GLIS3: variants seen among roughly 807,000 people sequenced by gnomAD.
GLIS3 encodes the protein zinc finger protein GLIS3.
Under a neutral mutation model 78.6 loss-of-function variants are expected in GLIS3, and 53 were observed. The ratio of observed to expected loss-of-function variants is 0.67; its 90% CI spans 0.54 to 0.85. The LOEUF is 0.85. GLIS3 is among the 40% of genes least tolerant of loss of function. GLIS3 has a pLI of 0.00. For missense variants in GLIS3, 1,703 were observed against 1,231.1 expected, an observed-to-expected ratio of 1.38 and a Z score of -5.74; for synonymous variants, 684 against 509.9, an observed-to-expected ratio of 1.34 and a Z score of -4.60.
chr9:4,104,862 C>G (rs928186638), intron 4 of GLIS3, among the ~76,000 whole-genome samples: 3 of 152,204 alleles, frequency 2.0e-5, no homozygotes, highest in African/African-American at 7.2e-5. Flanking sequence ...CTGTTCCCTG[C>G]TGGATCCCCA....
At chr9:4,349,715 AAGAC>A, upstream of GLIS3, among the ~76,000 whole-genome samples, 1 of 146,650 alleles carries the variant, frequency 6.8e-6, no homozygotes, top group Non-Finnish European at 1.5e-5. Context: ...TGATGAATAA[AAGAC>A]AGAAAAAAAA....
At chr9:4,383,323 A>G in the GLIS3 span, among the ~76,000 whole-genome samples, 3 of 152,350 alleles carry the variant, frequency 2.0e-5, no homozygotes, top group Admixed American at 6.5e-5. Context: ...TTCATTTTCC[A>G]TAACATTTGG....
intron 2 of GLIS3, among the ~76,000 whole-genome samples, chr9:4,127,806 A>T (rs1202589782): frequency 6.6e-6 from 1 of 152,212 alleles, no homozygotes; most frequent in Non-Finnish European, 1.5e-5. Context: ...TATTTATCTA[A>T]GGAACTCAGT....
chr9:4,074,205 G>T (rs1827865181), intron 4 of GLIS3, among the ~76,000 whole-genome samples: 1 of 152,140 alleles, frequency 6.6e-6, no homozygotes, highest in Admixed American at 6.5e-5. Context: ...GGGTCTCTAG[G>T]GGAGCAGGGT....
chr9:4,096,311 T>G (rs1160054020), intron 4 of GLIS3, among the ~76,000 whole-genome samples: 8 of 152,198 alleles, frequency 5.3e-5, no homozygotes, highest in Admixed American at 1.3e-4. Flanking sequence ...CCAGTTGTGT[T>G]ATAAGGACAT....
At chr9:4,084,030 C>T (rs1271641636) in intron 4 of GLIS3, among the ~76,000 whole-genome samples, 1 of 152,164 alleles carries the variant, frequency 6.6e-6, no homozygotes, top group Non-Finnish European at 1.5e-5. Context: ...CTGCTCAAGG[C>T]TCTGTTACCA....
At chr9:4,129,336 T>A (rs978440140) in intron 2 of GLIS3, among the ~76,000 whole-genome samples, 1 of 152,218 alleles carries the variant, frequency 6.6e-6, no homozygotes, top group African/African-American at 2.4e-5. Context: ...GGGATAAAGT[T>A]AACCCTCCCT....
the GLIS3 span, among the ~76,000 whole-genome samples, chr9:4,409,053 A>C: frequency 6.6e-6 from 1 of 152,166 alleles, no homozygotes; most frequent in African/African-American, 2.4e-5. Flanking sequence ...AAATTGGAAA[A>C]GAAAAAAACA....
chr9:3,898,391 G>A (rs1195884343), intron 7 of GLIS3: 2 of 417,194 alleles, frequency 4.8e-6, no homozygotes, highest in Admixed American at 3.5e-5. Context: ...TTTCCTTCGA[G>A]TCTAAATCAA....
At chr9:4,339,700 G>A (rs1370040207) in intron 2 of GLIS3, among the ~76,000 whole-genome samples, 1 of 138,382 alleles carries the variant, frequency 7.2e-6, no homozygotes, top group African/African-American at 2.8e-5. Context: ...TTCAAAGCCA[G>A]ATAACAATGC....
At chr9:4,422,647 A>T in the GLIS3 span, among the ~76,000 whole-genome samples, 2 of 152,350 alleles carry the variant, frequency 1.3e-5, no homozygotes, top group South Asian at 4.1e-4. Context: ...TACCGGGGGA[A>T]GTCAGAGCAA....
At chr9:4,015,758 G>A (rs960452000) in intron 4 of GLIS3, among the ~76,000 whole-genome samples, 5 of 151,796 alleles carry the variant, frequency 3.3e-5, no homozygotes, top group South Asian at 2.1e-4. Flanking sequence ...GAGTGGTGGC[G>A]GGCGCCTGTA....
the GLIS3 span, among the ~76,000 whole-genome samples, chr9:4,408,571 A>AC: frequency 5.4e-4 from 82 of 151,522 alleles, no homozygotes; most frequent in Non-Finnish European, 9.0e-4. Context: ...TACTAAAAAT[A>AC]GAAAAATTAG....
the GLIS3 span, among the ~76,000 whole-genome samples, chr9:4,401,719 G>C: frequency 6.6e-6 from 1 of 151,796 alleles, no homozygotes; most frequent in Non-Finnish European, 1.5e-5. Context: ...AGCCTCCCAA[G>C]TAGCTGGGAC....
intron 2 of GLIS3, among the ~76,000 whole-genome samples, chr9:4,179,879 C>T (rs1563706519): frequency 1.3e-5 from 2 of 150,202 alleles, no homozygotes; most frequent in Non-Finnish European, 3.0e-5. Flanking sequence ...CACTGTACTC[C>T]AGCCTGGGTG....
the GLIS3 span, among the ~76,000 whole-genome samples, chr9:4,386,795 T>A: frequency 6.6e-6 from 1 of 152,180 alleles, no homozygotes; most frequent in Non-Finnish European, 1.5e-5. Flanking sequence ...AAAGTGTGAA[T>A]TGGCCTTATG....
At chr9:4,192,566 G>A (rs2131224018) in intron 2 of GLIS3, among the ~76,000 whole-genome samples, 1 of 152,278 alleles carries the variant, frequency 6.6e-6, no homozygotes, top group South Asian at 2.1e-4. Flanking sequence ...AGGGTTATTA[G>A]CAAAATATCA....
chr9:4,409,208 C>G, the GLIS3 span, among the ~76,000 whole-genome samples: 1 of 152,124 alleles, frequency 6.6e-6, no homozygotes, highest in African/African-American at 2.4e-5. Context: ...CTTTTGGAGT[C>G]TGTTGTTACC....
the GLIS3 span, among the ~76,000 whole-genome samples, chr9:4,486,448 C>T: frequency 3.9e-5 from 6 of 152,176 alleles, no homozygotes; most frequent in Non-Finnish European, 5.9e-5. Flanking sequence ...TAGTAATCCC[C>T]TCAGCAATTC....
Sources: gnomAD v4.1 joint callset for allele counts (sites outside exome capture counted in the v4.1 genomes callset) on GRCh38, gnomAD v4.1.1 for gene constraint, MANE v1.5 for transcripts, NCBI Gene and HGNC (gene_info 2026-07-23, HGNC 2026-07-21) for gene names.